Variants in GRIK1 observed in about 807,000 individuals in gnomAD.
GRIK1 encodes glutamate receptor ionotropic, kainate 1.
Under a neutral mutation model 105.7 loss-of-function variants are expected in GRIK1, and 69 were observed. That is an observed-to-expected ratio of 0.65 (90% confidence interval 0.54 to 0.80). The LOEUF (loss-of-function observed/expected upper bound fraction) is 0.80, where lower values mean the gene tolerates loss of function less well. Ranked by LOEUF, GRIK1 falls within the 30% of genes least tolerant of loss-of-function variation. GRIK1 has a pLI of 0.00. For missense variants in GRIK1, 1,109 were observed against 1,167.3 expected (o/e 0.95, Z 0.73); for synonymous variants, 438 against 431.3 (o/e 1.02, Z -0.19).
intron 12 of GRIK1, among the ~76,000 whole-genome samples, chr21:29,585,520 G>A (rs534969516): frequency 6.6e-6 from 1 of 152,234 alleles, no homozygotes; most frequent in Non-Finnish European, 1.5e-5. Flanking sequence ...CACCTTGCCT[G>A]TTCTACTCAT....
intron 11 of GRIK1, 38 bp downstream of exon 11, chr21:29,588,801 T>C (rs1284705190): frequency 9.4e-7 from 1 of 1,058,456 alleles, no homozygotes; most frequent in Non-Finnish European, 1.5e-6. Context: ...CTTTCTCTTA[T>C]GCATATTTTC....
intron 1 of GRIK1, among the ~76,000 whole-genome samples, chr21:29,696,297 A>G (rs2063700996): frequency 1.3e-5 from 2 of 152,256 alleles, no homozygotes; most frequent in South Asian, 4.1e-4. Flanking sequence ...AAAAACTGAA[A>G]TTAAAAGAAG....
intron 8 of GRIK1, among the ~76,000 whole-genome samples, chr21:29,597,990 C>G (rs1244015251): frequency 6.6e-6 from 1 of 152,092 alleles, no homozygotes; most frequent in Non-Finnish European, 1.5e-5. Context: ...AGCACACTGT[C>G]TTATTCACTA....
chr21:29,574,334 A>G (rs1250889739), intron 14 of GRIK1, among the ~76,000 whole-genome samples: 1 of 152,228 alleles, frequency 6.6e-6, no homozygotes, highest in Non-Finnish European at 1.5e-5. Context: ...GAACATCTTG[A>G]AGGAAGTAGA....
chr21:29,577,002 C>T lies in GRIK1; in HGVS notation c.2092G>A (p.Gly698Arg), dbSNP rs2090912345. ...DLAKQTKIEYGAVRDGSTMTF... is the reference protein window; with the variant it reads ...DLAKQTKIEYRAVRDGSTMTF... The stretch of plus-strand genomic sequence containing the variant: ...ATTGTTGATCCATCTCTAACCGCCC[C>T]ATATTCTATCTTGGTTTGCTTTGCC... The change falls in exon 14 of 18, where the codon GGG becomes AGG. Residue 698 changes from glycine to arginine, a missense_variant. Gly to Arg is a moderately radical substitution (Grantham distance 125, BLOSUM62 -2). Transcript: ENST00000327783. The T allele has an allele frequency of 6.2e-7, 1 of 1,613,178 alleles. No homozygotes were observed. The highest frequency in any genetic ancestry group is 1.3e-5 in the African/African-American group (1 of 75,024).
At chr21:29,567,032 T>G (rs2090627272) in intron 14 of GRIK1, among the ~76,000 whole-genome samples, 1 of 152,216 alleles carries the variant, frequency 6.6e-6, no homozygotes, top group African/African-American at 2.4e-5. Context: ...GCTGTTGTAC[T>G]CATCATATAA....
chr21:29,621,910 TA>T (rs1307834965), intron 7 of GRIK1, among the ~76,000 whole-genome samples: 1 of 152,118 alleles, frequency 6.6e-6, no homozygotes, highest in African/African-American at 2.4e-5. Flanking sequence ...TATTTATAAA[TA>T]AAATCATATG....
chr21:29,659,039 C>T (rs1313470990), intron 4 of GRIK1, among the ~76,000 whole-genome samples: 2 of 152,144 alleles, frequency 1.3e-5, no homozygotes, highest in Admixed American at 6.5e-5. Flanking sequence ...ACGGGTCTTC[C>T]ATTGGCAATT....
intron 1 of GRIK1, among the ~76,000 whole-genome samples, chr21:29,805,882 A>AATTTGGTGAAATCTCTGCATC (rs2066850204): frequency 1.3e-5 from 2 of 152,120 alleles, no homozygotes; most frequent in Non-Finnish European, 2.9e-5. Flanking sequence ...TATACCTGGA[A>AATTTGGTGAAATCTCTGCATC]ATTTGGTGAA....
intron 7 of GRIK1, among the ~76,000 whole-genome samples, chr21:29,619,098 C>G (rs556525636): frequency 7.1e-6 from 1 of 141,624 alleles, no homozygotes; most frequent in Non-Finnish European, 1.5e-5. Context: ...TGCACTCCAG[C>G]CTGGGCAACA....
In GRIK1 at chr21:29,588,816, A is replaced by G. The variant is rs560605293; in HGVS notation, c.1569+23T>C. On this transcript the variant is annotated intron_variant, in intron 11 of 17. Transcript: ENST00000327783. ...CTTTCTCTTATGCATATTTTCAGATATGTTAGAAATATTGTTACTTACGTG... is the reference window on the plus strand; with the variant it reads ...CTTTCTCTTATGCATATTTTCAGATGTGTTAGAAATATTGTTACTTACGTG... The G allele has an allele frequency of 5.8e-5, 70 of 1,215,854 alleles. No homozygotes were observed. In the South Asian group the frequency reaches 8.8e-4, roughly 15 times the overall value. The allele number at this position is 1,215,854 out of a possible 1,614,324, so 75.3% of individuals were successfully genotyped here. A position where few individuals can be genotyped will look rare whatever the true frequency, so the allele number is the denominator to read the frequency against.
chr21:29,684,280 A>C (rs543019387), intron 3 of GRIK1, among the ~76,000 whole-genome samples: 1 of 152,050 alleles, frequency 6.6e-6, no homozygotes, highest in Admixed American at 6.6e-5. Flanking sequence ...CTATCTATCT[A>C]TCTATCTATC....
intron 1 of GRIK1, among the ~76,000 whole-genome samples, chr21:29,790,077 G>GTC (rs2066370467): frequency 6.6e-6 from 1 of 152,052 alleles, no homozygotes; most frequent in Admixed American, 6.6e-5. Context: ...TTGTGGTGGA[G>GTC]TCTCGCTGTA....
chr21:29,831,318 T>C (rs376781), intron 1 of GRIK1, among the ~76,000 whole-genome samples: 92,430 of 151,968 alleles, frequency 0.61, 28,307 homozygotes, highest in East Asian at 0.76. Context: ...TTCCTTCAGT[T>C]CCCCAAATGC....
At chr21:29,826,373 C>T (rs1282557072) in intron 1 of GRIK1, among the ~76,000 whole-genome samples, 1 of 152,040 alleles carries the variant, frequency 6.6e-6, no homozygotes, top group Non-Finnish European at 1.5e-5. Flanking sequence ...TACTGATGTT[C>T]CCATGAGGTT....
rs1015999 is a variant in GRIK1 at position 29,768,148 on chromosome 21, C to T, written c.119-74085G>A. 7.4e-3 allele frequency among the ~76,000 whole-genome samples: 1,124 copies of T among 152,180 alleles called. 13 individuals carry two copies. The highest frequency in any genetic ancestry group is 0.026 in the African/African-American group (1,077 of 41,506). On this transcript the variant is annotated intron_variant, in intron 1 of 17. Transcript: ENST00000327783. The stretch of plus-strand genomic sequence containing the variant: ...ATCGAGAGTTTTTAGGCTGGATGAC[C>T]TCCTTTATGGGGAAGATGTTCTTCA...
intron 1 of GRIK1, among the ~76,000 whole-genome samples, chr21:29,810,880 A>G (rs1601756062): frequency 2.0e-5 from 3 of 152,168 alleles, no homozygotes; most frequent in South Asian, 4.2e-4. Flanking sequence ...TCAGATAACA[A>G]CAAAGGTGAT....
At chr21:29,925,725 T>C (rs1254864623) in intron 1 of GRIK1, among the ~76,000 whole-genome samples, 1 of 152,192 alleles carries the variant, frequency 6.6e-6, no homozygotes, top group African/African-American at 2.4e-5. Flanking sequence ...CAATAATACA[T>C]TCCACCTCAC....
intron 1 of GRIK1, among the ~76,000 whole-genome samples, chr21:29,834,122 C>T (rs900852246): frequency 6.6e-6 from 1 of 151,886 alleles, no homozygotes; most frequent in Admixed American, 6.6e-5. Flanking sequence ...AAGAGAGATA[C>T]ATTAGGGAAA....
Sources: gnomAD v4.1 joint callset for allele counts (sites outside exome capture counted in the v4.1 genomes callset) on GRCh38, gnomAD v4.1.1 for gene constraint, MANE v1.5 for transcripts, NCBI Gene and HGNC (gene_info 2026-07-23, HGNC 2026-07-21) for gene names.